The following ARHGAP44 variants were observed in gnomAD, a reference collection of about 807,000 sequenced individuals.
ARHGAP44 encodes Rho GTPase activating protein 44.
ARHGAP44 carries 43 observed loss-of-function variants against 106.8 expected under a neutral mutation model. The observed-to-expected ratio is 0.40, with a 90% CI of 0.32 to 0.52. The LOEUF (loss-of-function observed/expected upper bound fraction) is 0.52, where lower values mean the gene tolerates loss of function less well. ARHGAP44 is among the 20% of genes least tolerant of loss of function. The pLI is 0.48. For missense variants in ARHGAP44, 866 were observed against 1,050.5 expected (o/e 0.82, Z 2.43); for synonymous variants, 439 against 410.3 (o/e 1.07, Z -0.85).
chr17:12,949,025 T>G lies in ARHGAP44; in HGVS notation c.862-115T>G, dbSNP rs2038930551. On this transcript the variant is annotated intron_variant, in intron 10 of 20. Transcript: ENST00000379672. The surrounding 1 kb of genome is among the most constrained non-coding windows in gnomAD (Gnocchi z 4.1). Reference sequence around the variant, plus strand: ...GCAACTGGGGGATTGGGAGATGGTGTTGGGCAAATGCATGTAAGAGGTTTT... The same window carrying G: ...GCAACTGGGGGATTGGGAGATGGTGGTGGGCAAATGCATGTAAGAGGTTTT... 2 of 1,023,874 alleles carry G rather than the reference T, an allele frequency of 2.0e-6. No individual in the cohort carries two copies. 63.4% of individuals were successfully genotyped at this position (1,023,874 alleles called of 1,614,324 possible).
intron 1 of ARHGAP44, among the ~76,000 whole-genome samples, chr17:12,826,737 C>A (rs1201313304): frequency 1.3e-5 from 2 of 152,220 alleles, no homozygotes; most frequent in African/African-American, 2.4e-5. Flanking sequence ...TAGTCTGTTA[C>A]AAGATTCTCT....
intron 1 of ARHGAP44, among the ~76,000 whole-genome samples, chr17:12,792,026 T>A (rs894124978): frequency 6.6e-6 from 1 of 152,234 alleles, no homozygotes; most frequent in African/African-American, 2.4e-5. Context: ...CCATCCTTGG[T>A]TGGCCTTTTT....
At position 12,980,205 on chromosome 17, in the gene ARHGAP44, A is replaced by G. The variant is rs762338055; in HGVS notation, c.1911A>G (p.Ala637=). 1.2e-6 allele frequency: 2 copies of G among 1,613,294 alleles called. No homozygotes were observed. Among genetic ancestry groups the G allele is most frequent in the Non-Finnish European group, 1.7e-6 (2 of 1,179,816 alleles). ...GASPSPSQPP[A]DQSPHTLRKV... The stretch of plus-strand genomic sequence containing the variant: ...GCCCCAGCCCCAGCCAGCCGCCTGC[A>G]GACCAGAGTCCTCACACCCTCCGGA... Residue 637 remains alanine (A), a synonymous_variant, in exon 19 of 21, where the codon GCA becomes GCG. Coordinates refer to ENST00000379672, the MANE Select transcript of ARHGAP44 (RefSeq NM_014859.6).
chr17:12,797,388 C>A (rs910728070), intron 1 of ARHGAP44, among the ~76,000 whole-genome samples: 1 of 152,070 alleles, frequency 6.6e-6, no homozygotes, highest in South Asian at 2.1e-4. Flanking sequence ...TCATACCCAC[C>A]ATATTGAAGT....
intron 1 of ARHGAP44, among the ~76,000 whole-genome samples, chr17:12,891,689 A>G (rs1048040033): frequency 1.3e-5 from 2 of 152,166 alleles, no homozygotes; most frequent in Non-Finnish European, 2.9e-5. Flanking sequence ...GGTGTTACCT[A>G]CTATTTACAT....
chr17:12,843,823 T>C (rs9911975), intron 1 of ARHGAP44, among the ~76,000 whole-genome samples: 2 of 150,728 alleles, frequency 1.3e-5, no homozygotes, highest in Non-Finnish European at 1.5e-5. Flanking sequence ...GCCTGGCTAA[T>C]TTTTGTGTTT....
At chr17:12,852,151 A>C (rs2035765213) in intron 1 of ARHGAP44, among the ~76,000 whole-genome samples, 1 of 141,620 alleles carries the variant, frequency 7.1e-6, no homozygotes, top group Admixed American at 6.9e-5. Flanking sequence ...AATAAGGTTA[A>C]AGTCTATCCC....
chr17:12,984,917 G>C lies in ARHGAP44; in HGVS notation c.2317+9G>C. On this transcript the variant is annotated intron_variant, in intron 20 of 20. Coordinates refer to ENST00000379672, the MANE Select transcript of ARHGAP44 (RefSeq NM_014859.6). ...GGAAAGCATGTCTACAGGTAACCAAGCCACAGGCTCCCTCACTTTTTTTTA... is the reference window on the plus strand; with the variant it reads ...GGAAAGCATGTCTACAGGTAACCAACCCACAGGCTCCCTCACTTTTTTTTA... 1 of 1,587,782 alleles carries C rather than the reference G, an allele frequency of 6.3e-7. No individual in the cohort carries two copies. Among genetic ancestry groups the C allele is most frequent in the South Asian group, 1.1e-5 (1 of 88,604 alleles).
At chr17:12,942,978 G>C (rs2190699) in intron 8 of ARHGAP44, among the ~76,000 whole-genome samples, 2 of 152,118 alleles carry the variant, frequency 1.3e-5, no homozygotes, top group Non-Finnish European at 2.9e-5. Flanking sequence ...TTATATGTTA[G>C]ACTAACTTTG....
intron 16 of ARHGAP44, among the ~76,000 whole-genome samples, chr17:12,960,298 G>A (rs1268550633): frequency 1.3e-5 from 2 of 152,060 alleles, no homozygotes; most frequent in Admixed American, 6.5e-5. Flanking sequence ...AGCTGGGCGC[G>A]GTGGCTCACG....
chr17:12,978,889 A>G (rs2039764453), intron 18 of ARHGAP44, among the ~76,000 whole-genome samples: 1 of 151,986 alleles, frequency 6.6e-6, no homozygotes, highest in African/African-American at 2.4e-5. Context: ...GGGTTTCGCC[A>G]TGTTGGCCAG....
At chr17:12,947,704 G>A (rs1309800848) in intron 10 of ARHGAP44, among the ~76,000 whole-genome samples, 1 of 152,122 alleles carries the variant, frequency 6.6e-6, no homozygotes. Context: ...CTTCTCTTTG[G>A]CATTTTCCAT....
At chr17:12,821,369 A>G (rs2034765971) in intron 1 of ARHGAP44, among the ~76,000 whole-genome samples, 1 of 152,220 alleles carries the variant, frequency 6.6e-6, no homozygotes, top group South Asian at 2.1e-4. Flanking sequence ...AACCTGGGTC[A>G]GAAGGTTATT....
intron 16 of ARHGAP44, among the ~76,000 whole-genome samples, chr17:12,966,338 G>A (rs2039391105): frequency 6.6e-6 from 1 of 152,112 alleles, no homozygotes; most frequent in African/African-American, 2.4e-5. Context: ...TTTTGGTCCA[G>A]GCCCCTTATC....
intron 16 of ARHGAP44, chr17:12,973,064 T>A: frequency 2.2e-6 from 1 of 450,560 alleles, no homozygotes; most frequent in Non-Finnish European, 3.9e-6. Context: ...CACACCAATA[T>A]CAACTCTTCA....
intron 3 of ARHGAP44, among the ~76,000 whole-genome samples, chr17:12,904,459 C>T (rs567842067): frequency 6.6e-6 from 1 of 152,296 alleles, no homozygotes; most frequent in East Asian, 1.9e-4. Context: ...TTGATTTTCA[C>T]CAGCTTACCC....
At chr17:12,818,785 T>G (rs2034676360) in intron 1 of ARHGAP44, among the ~76,000 whole-genome samples, 1 of 152,076 alleles carries the variant, frequency 6.6e-6, no homozygotes, top group Non-Finnish European at 1.5e-5. Context: ...AAAAGACTTT[T>G]AAGTGCAGAC....
chr17:12,919,408 C>T (rs1399489450), intron 5 of ARHGAP44, among the ~76,000 whole-genome samples: 1 of 98,284 alleles, frequency 1.0e-5, no homozygotes, highest in Non-Finnish European at 2.0e-5. Context: ...TTTTTTGAGA[C>T]GGAGTCTCGC....
chr17:12,869,821 T>A lies in ARHGAP44; in HGVS notation c.54-25119T>A, dbSNP rs146781973. On this transcript the variant is annotated intron_variant, in intron 1 of 20. Coordinates refer to ENST00000379672, the MANE Select transcript of ARHGAP44 (RefSeq NM_014859.6). ...TTTTTTTTTACTATGCATACTGTTT[T>A]ATAGCCTGCCCTTTCACACTTAATA... Among the ~76,000 whole-genome samples the A allele has an allele frequency of 1.4e-4, 21 of 152,290 alleles. 1 individual carries two copies. The highest frequency in any genetic ancestry group is 4.8e-4 in the African/African-American group (20 of 41,560).
Sources: allele counts gnomAD v4.1 joint callset (sites outside exome capture counted in the v4.1 genomes callset), GRCh38; gene constraint gnomAD v4.1.1; non-coding constraint Gnocchi (gnomAD v3.1); transcripts MANE v1.5; gene names NCBI Gene and HGNC (gene_info 2026-07-23, HGNC 2026-07-21).